Variants in XPNPEP2 observed in about 807,000 individuals in gnomAD.
XPNPEP2 encodes the protein xaa-Pro aminopeptidase 2.
Under a neutral mutation model 59.8 loss-of-function variants are expected in XPNPEP2, and 64 were observed. The observed-to-expected ratio is 1.07, with a 90% CI of 0.87 to 1.32. XPNPEP2 has a LOEUF of 1.32. Among genes scored for constraint, XPNPEP2 ranks in the 40% most tolerant of loss-of-function variants. XPNPEP2 has a pLI of 0.00. For synonymous variants in XPNPEP2, 235 were observed against 210.0 expected, an observed-to-expected ratio of 1.12 and a Z score of -1.03; for missense variants, 575 against 546.8, an observed-to-expected ratio of 1.05 and a Z score of -0.51.
intron 14 of XPNPEP2, among the ~76,000 whole-genome samples, chrX:129,757,962 AAAG>A (rs1926586198): frequency 9.4e-6 from 1 of 106,895 alleles, no homozygotes; most frequent in African/African-American, 3.4e-5. Flanking sequence ...AAAGAAAGAA[AAAG>A]AATAGGCTAA....
At chrX:129,760,936 T>C (rs900883720) in intron 16 of XPNPEP2, among the ~76,000 whole-genome samples, 1 of 112,051 alleles carries the variant, frequency 8.9e-6, no homozygotes, top group Non-Finnish European at 1.9e-5. Context: ...ATTCAGGTAA[T>C]GGATACAATG....
In XPNPEP2 at chrX:129,761,820, C is replaced by T. The variant is rs749707122; in HGVS notation, c.1604-186C>T. 4.5e-5 allele frequency among the ~76,000 whole-genome samples: 5 copies of T among 111,591 alleles called. No homozygotes were observed. The East Asian group carries it at 1.4e-3, about 31-fold the overall frequency. ...AACACAGCAAGACCCCTCTCAATAC[C>T]TAAATAAATAATAAAAGCCAGAGCC... On this transcript the variant is annotated intron_variant, in intron 17 of 20. Transcript: ENST00000371106.
At position 129,757,858 on chromosome X, in the gene XPNPEP2, A is replaced by AGAAAGAAAGAAG. The variant is rs1491134908; in HGVS notation, c.1367+1305_1367+1306insAAGAAAGAAGGA. Among the ~76,000 whole-genome samples, 28 of 74,735 alleles carry AGAAAGAAAGAAG rather than the reference A, an allele frequency of 3.7e-4. 1 individual carries two copies. Among genetic ancestry groups the AGAAAGAAAGAAG allele is most frequent in the African/African-American group, 1.6e-3 (24 of 14,997 alleles). 64.9% of individuals were successfully genotyped at this position (74,735 alleles called of 115,157 possible). On this transcript the variant is annotated intron_variant, in intron 14 of 20. Coordinates refer to ENST00000371106, the MANE Select transcript of XPNPEP2 (RefSeq NM_003399.6). ...AAGAAAGAAAGAAAGAAAGAAAGAA[A>AGAAAGAAAGAAG]GAGGGAGAGAGAGAAAGAGAGAGAG...
chrX:129,744,211 G>A (rs1926251942), intron 3 of XPNPEP2, 140 bp downstream of exon 3: 2 of 516,722 alleles, frequency 3.9e-6, no homozygotes, highest in Non-Finnish European at 6.3e-6. Flanking sequence ...GCATGGACAC[G>A]GTAGTTTTAG....
intron 2 of XPNPEP2, among the ~76,000 whole-genome samples, chrX:129,742,398 G>A (rs1200900742): frequency 9.9e-6 from 1 of 101,427 alleles, no homozygotes; most frequent in Non-Finnish European, 2.0e-5. Context: ...CCACATCAGT[G>A]CCCTCCCCTC....
At chrX:129,744,705 T>C (rs1051170483) in intron 3 of XPNPEP2, among the ~76,000 whole-genome samples, 1 of 112,402 alleles carries the variant, frequency 8.9e-6, no homozygotes, top group African/African-American at 3.2e-5. Context: ...CTCAGTTTCC[T>C]CTTCTGCAAA....
intron 1 of XPNPEP2, among the ~76,000 whole-genome samples, chrX:129,740,935 G>A (rs1429043837): frequency 7.6e-5 from 7 of 92,392 alleles, no homozygotes; most frequent in South Asian, 7.1e-4. Context: ...GAGAGACTCT[G>A]TCTCAAAAAA....
At chrX:129,758,843 CT>C (rs1772275738) in intron 14 of XPNPEP2, among the ~76,000 whole-genome samples, 1 of 111,913 alleles carries the variant, frequency 8.9e-6, no homozygotes, top group South Asian at 3.7e-4. Context: ...CCCTTTCTGC[CT>C]CCCAGGAAGC....
intron 1 of XPNPEP2, 56 bp downstream of exon 1, chrX:129,739,318 C>A: frequency 8.7e-7 from 1 of 1,152,746 alleles, no homozygotes; most frequent in Non-Finnish European, 1.2e-6. Flanking sequence ...CCTCTGAGCT[C>A]AGAAAGGGTT....
At chrX:129,757,268 C>T (rs1164408998) in intron 14 of XPNPEP2, among the ~76,000 whole-genome samples, 1 of 108,009 alleles carries the variant, frequency 9.3e-6, no homozygotes, top group African/African-American at 3.4e-5. Context: ...CGTATTATTA[C>T]ACAGTCTGAG....
In XPNPEP2 at chrX:129,751,110, C is replaced by T. The variant is rs868601659; in HGVS notation, c.739+541C>T. Among the ~76,000 whole-genome samples the T allele has an allele frequency of 4.7e-5, 4 of 84,968 alleles. 1 individual carries two copies. The highest frequency in any genetic ancestry group is 1.3e-4 in the Admixed American group (1 of 7,483). 73.8% of individuals were successfully genotyped at this position (84,968 alleles called of 115,157 possible). A position where few individuals can be genotyped will look rare whatever the true frequency, so the allele number is the denominator to read the frequency against. On this transcript the variant is annotated intron_variant, in intron 8 of 20. Coordinates refer to ENST00000371106, the MANE Select transcript of XPNPEP2 (RefSeq NM_003399.6). The stretch of plus-strand genomic sequence containing the variant: ...CAAAGACGCCCACTCCCCCACCCCC[C>T]CCCCCCGGCAAAAAGATTGAGTAAC...
intron 7 of XPNPEP2, among the ~76,000 whole-genome samples, chrX:129,749,888 C>T (rs1276557448): frequency 1.8e-5 from 2 of 112,567 alleles, no homozygotes; most frequent in African/African-American, 3.2e-5. Flanking sequence ...CTCTCTGAAG[C>T]CTCAGTTTCC....
chrX:129,740,269 A>C (rs944750527), intron 1 of XPNPEP2, among the ~76,000 whole-genome samples: 6 of 112,544 alleles, frequency 5.3e-5, no homozygotes, highest in Non-Finnish European at 1.1e-4. Flanking sequence ...GACCAAGATA[A>C]AATCACACAG....
At position 129,767,654 on chromosome X, in the gene XPNPEP2, C is replaced by G. The variant is rs756030488; in HGVS notation, c.1792C>G (p.Arg598Gly). 1.9e-5 allele frequency: 23 copies of G among 1,211,636 alleles called. No homozygotes were observed. Among genetic ancestry groups the G allele is most frequent in the Non-Finnish European group, 2.5e-5 (22 of 895,444 alleles). ...AGTGGTATCATTTGTGCCCTATGAC[C>G]GGAACCTCATCGATGTCAGCCTGCT... Reference protein sequence around the residue: ...FEVVSFVPYDRNLIDVSLLSP... With the variant: ...FEVVSFVPYDGNLIDVSLLSP... The change falls in exon 20 of 21, where the codon CGG (arginine) becomes GGG (glycine). Residue 598 changes from arginine (R) to glycine (G), a missense_variant. Physicochemically the swap from Arg to Gly is moderately radical, Grantham distance 125. Coordinates refer to ENST00000371106, the MANE Select transcript of XPNPEP2 (RefSeq NM_003399.6).
At chrX:129,768,188 A>T in intron 20 of XPNPEP2, 103 bp from the exon 21 acceptor site, 1 of 827,594 alleles carries the variant, frequency 1.2e-6, no homozygotes, top group Non-Finnish European at 1.7e-6. Flanking sequence ...CATCTGGACT[A>T]TGGTGACAGC....
intron 7 of XPNPEP2, among the ~76,000 whole-genome samples, chrX:129,749,621 G>C (rs1926357153): frequency 8.8e-6 from 1 of 113,274 alleles, no homozygotes; most frequent in East Asian, 2.8e-4. Context: ...GTCCTGCCTA[G>C]GGGTAGACTC....
In XPNPEP2 at chrX:129,741,505, T is replaced by A. The variant is rs138603974; in HGVS notation, c.50-603T>A. Among the ~76,000 whole-genome samples the A allele has an allele frequency of 4.8e-3, 539 of 112,416 alleles. 2 individuals carry two copies. Among genetic ancestry groups the A allele is most frequent in the Non-Finnish European group, 7.1e-3 (379 of 53,268 alleles). On this transcript the variant is annotated intron_variant, in intron 1 of 20. Coordinates refer to ENST00000371106, the MANE Select transcript of XPNPEP2 (RefSeq NM_003399.6). ...AAATGAGATACTGTAGATGAATTGC[T>A]GCGTTCAGTATCTGGCACATAATAG...
At chrX:129,743,827 G>C (rs2124015048) in intron 2 of XPNPEP2, 134 bp from the exon 3 acceptor site, 2 of 553,996 alleles carry the variant, frequency 3.6e-6, no homozygotes, top group East Asian at 3.3e-5. Context: ...AGCCAGGCCA[G>C]CCTAACTTCC....
intron 14 of XPNPEP2, among the ~76,000 whole-genome samples, chrX:129,757,444 C>T (rs186729398): frequency 7.3e-5 from 8 of 109,922 alleles, no homozygotes; most frequent in African/African-American, 2.7e-4. Flanking sequence ...ATGAGAGAAG[C>T]AACCCTTTTG....
Sources: gnomAD v4.1 joint callset for allele counts (sites outside exome capture counted in the v4.1 genomes callset) on GRCh38, gnomAD v4.1.1 for gene constraint, MANE v1.5 for transcripts, NCBI Gene and HGNC (gene_info 2026-07-23, HGNC 2026-07-21) for gene names.